Variants in STT3B observed in about 807,000 individuals in gnomAD.
The protein encoded by STT3B is STT3 oligosaccharyltransferase complex catalytic subunit B, also known as dolichyl-diphosphooligosaccharide--protein glycosyltransferase subunit STT3B.
A neutral mutation model predicts 96.8 loss-of-function variants in STT3B; 29 were observed. That is an observed-to-expected ratio of 0.30 (90% confidence interval 0.22 to 0.41). STT3B has a LOEUF of 0.41. STT3B is among the 10% of genes least tolerant of loss of function. STT3B has a pLI of 1.00. For synonymous variants in STT3B, 367 were observed against 360.0 expected (o/e 1.02, Z -0.22); for missense variants, 640 against 1,022.3 (o/e 0.63, Z 5.10).
At position 31,636,203 on chromosome 3, in the gene STT3B, T is replaced by C; in HGVS notation, c.*139T>C. 1 of 550,868 alleles carries C rather than the reference T, an allele frequency of 1.8e-6. No homozygotes were observed. The highest frequency in any genetic ancestry group is 3.1e-6 in the Non-Finnish European group (1 of 327,600). The allele number at this position is 550,868 out of a possible 1,614,324, so 34.1% of individuals were successfully genotyped here. A position where few individuals can be genotyped will look rare whatever the true frequency, so the allele number is the denominator to read the frequency against. ...GTTAATGTACAAAATTTTCTGGCAATGCCTGATTAAAAAAATAAAATTGGC... is the reference window on the plus strand; with the variant it reads ...GTTAATGTACAAAATTTTCTGGCAACGCCTGATTAAAAAAATAAAATTGGC... On this transcript the variant is annotated 3_prime_UTR_variant, in exon 16 of 16. Coordinates refer to ENST00000295770, the MANE Select transcript of STT3B (RefSeq NM_178862.3).
In STT3B at chr3:31,596,783, G is replaced by A; in HGVS notation, c.712-15G>A. ...TGTAAACATTTTTATTATATCAGTT[G>A]CTTTTGTTTTTTAGGTAAAATCTGT... On this transcript the variant is annotated splice_polypyrimidine_tract_variant and intron_variant, in intron 3 of 15. Coordinates refer to ENST00000295770, the MANE Select transcript of STT3B (RefSeq NM_178862.3). The A allele has an allele frequency of 1.9e-6, 3 of 1,591,612 alleles. No homozygotes were observed. The highest frequency in any genetic ancestry group is 8.6e-7 in the Non-Finnish European group (1 of 1,162,960).
intron 3 of STT3B, among the ~76,000 whole-genome samples, chr3:31,588,244 G>A (rs73824195): frequency 0.053 from 8,101 of 151,992 alleles, 739 homozygotes; most frequent in African/African-American, 0.18. Flanking sequence ...GTCACTGGCC[G>A]CATGTATATG....
Position 31,624,950 on chromosome 3 carries a change from C to T in STT3B, c.1764C>T (p.Tyr588=), listed in dbSNP as rs34176522. The T allele has an allele frequency of 1.6e-3, 2,618 of 1,612,714 alleles. 25 individuals carry two copies. The African/African-American group carries it at 0.025, about 16-fold the overall frequency. The change falls in exon 12 of 16, where the codon TAC becomes TAT. Residue 588 remains tyrosine (Y), a synonymous_variant. Transcript: ENST00000295770. ...RNILDDFREA[Y]FWLRQNTDEH... ...TCTTAGATGATTTTAGAGAAGCTTA[C>T]TTTTGGCTAAGGCAAAATACAGATG...
At chr3:31,605,387 C>G (rs1699027875) in intron 5 of STT3B, among the ~76,000 whole-genome samples, 1 of 151,654 alleles carries the variant, frequency 6.6e-6, no homozygotes, top group Admixed American at 6.6e-5. Flanking sequence ...GGCTGTGTCC[C>G]CACCCAAATT....
chr3:31,621,594 G>A (rs1699431050), intron 9 of STT3B, among the ~76,000 whole-genome samples: 2 of 152,098 alleles, frequency 1.3e-5, no homozygotes, highest in South Asian at 2.1e-4. Flanking sequence ...TTGGAAATTT[G>A]TTTCAAAAAT....
At chr3:31,554,449 C>T (rs547499764) in intron 1 of STT3B, among the ~76,000 whole-genome samples, 64 of 152,146 alleles carry the variant, frequency 4.2e-4, no homozygotes, top group Non-Finnish European at 8.2e-4. Flanking sequence ...TTTGTTTTCC[C>T]TGATGAAAAT....
At chr3:31,617,539 G>T (rs1377714608) in intron 7 of STT3B, among the ~76,000 whole-genome samples, 1 of 151,818 alleles carries the variant, frequency 6.6e-6, no homozygotes, top group Non-Finnish European at 1.5e-5. Flanking sequence ...AATCATCTTT[G>T]AATTTATCTG....
chr3:31,596,089 T>A (rs1377727936), intron 3 of STT3B, among the ~76,000 whole-genome samples: 6 of 152,234 alleles, frequency 3.9e-5, no homozygotes, highest in African/African-American at 1.4e-4. Context: ...TTTCTGTGTA[T>A]TAGTAAATAC....
At chr3:31,609,725 G>T (rs1189430583) in intron 5 of STT3B, among the ~76,000 whole-genome samples, 2 of 152,104 alleles carry the variant, frequency 1.3e-5, no homozygotes, top group African/African-American at 4.8e-5. Context: ...CTCCTGAGTG[G>T]CTGGGACTAC....
At chr3:31,577,922 G>A (rs1310315069) in intron 2 of STT3B, among the ~76,000 whole-genome samples, 1 of 152,078 alleles carries the variant, frequency 6.6e-6, no homozygotes, top group Non-Finnish European at 1.5e-5. Flanking sequence ...CTCAGTGGAA[G>A]CCTGTTTTCT....
intron 1 of STT3B, 96 bp downstream of exon 1, chr3:31,533,408 C>G: frequency 7.8e-7 from 1 of 1,285,102 alleles, no homozygotes; most frequent in Non-Finnish European, 9.9e-7. Flanking sequence ...GGCCCCGCGC[C>G]GCCGCGGAGC....
intron 15 of STT3B, among the ~76,000 whole-genome samples, chr3:31,635,129 G>A (rs1223945022): frequency 6.6e-6 from 1 of 152,136 alleles, no homozygotes; most frequent in African/African-American, 2.4e-5. Context: ...ATTGAATTGA[G>A]TGGTCAGTCT....
chr3:31,563,916 C>G (rs1697939479), intron 1 of STT3B, among the ~76,000 whole-genome samples: 1 of 152,138 alleles, frequency 6.6e-6, no homozygotes, highest in Non-Finnish European at 1.5e-5. Context: ...AGCAATTCTT[C>G]TGCCTCAGCC....
At position 31,617,076 on chromosome 3, in the gene STT3B, G is replaced by A. The variant is rs1699321958; in HGVS notation, c.1123+1G>A. The stretch of plus-strand genomic sequence containing the variant: ...AGTGTCATCTATTTGACTTATACAG[G>A]TACGTGTTATCACCTGTAGGGTGTG... On this transcript the variant is annotated splice_donor_variant, in intron 7 of 15. Coordinates refer to ENST00000295770, the MANE Select transcript of STT3B (RefSeq NM_178862.3). LOFTEE classifies it high-confidence loss of function. 6.3e-7 allele frequency: 1 copy of A among 1,599,164 alleles called. No homozygotes were observed. Among genetic ancestry groups the A allele is most frequent in the Non-Finnish European group, 8.5e-7 (1 of 1,169,984 alleles).
chr3:31,548,080 C>G (rs1697459397), intron 1 of STT3B, among the ~76,000 whole-genome samples: 1 of 152,178 alleles, frequency 6.6e-6, no homozygotes. Flanking sequence ...TTGGTTGGAA[C>G]AGGAGTGGTG....
At chr3:31,596,973 C>A in intron 4 of STT3B, 110 bp downstream of exon 4, 1 of 785,800 alleles carries the variant, frequency 1.3e-6, no homozygotes, top group Non-Finnish European at 2.1e-6. Flanking sequence ...TGTAATCTTT[C>A]ATTACTACCA....
At chr3:31,627,904 C>T (rs992355639) in intron 13 of STT3B, among the ~76,000 whole-genome samples, 5 of 151,832 alleles carry the variant, frequency 3.3e-5, no homozygotes, top group African/African-American at 9.7e-5. Flanking sequence ...ATAATACACT[C>T]ATATGGTTCA....
At chr3:31,533,905 A>T (rs988275545) in intron 1 of STT3B, among the ~76,000 whole-genome samples, 3 of 152,160 alleles carry the variant, frequency 2.0e-5, no homozygotes, top group Non-Finnish European at 4.4e-5. Context: ...TCATGATACG[A>T]GAAGGGAAAA....
intron 1 of STT3B, among the ~76,000 whole-genome samples, chr3:31,544,898 C>G (rs1348507263): frequency 6.6e-6 from 1 of 152,090 alleles, no homozygotes; most frequent in Non-Finnish European, 1.5e-5. Flanking sequence ...GATTGCACCA[C>G]CGCACTCCAG....
Sources: gnomAD v4.1 joint callset for allele counts (sites outside exome capture counted in the v4.1 genomes callset) on GRCh38, gnomAD v4.1.1 for gene constraint, MANE v1.5 for transcripts, NCBI Gene and HGNC (gene_info 2026-07-23, HGNC 2026-07-21) for gene names.